Variants in NMT2 observed in about 807,000 individuals in gnomAD.
NMT2 encodes N-myristoyltransferase 2, also known as glycylpeptide N-tetradecanoyltransferase 2.
Under a neutral mutation model 65.4 loss-of-function variants are expected in NMT2, and 35 were observed. The ratio of observed to expected loss-of-function variants is 0.54; its 90% CI spans 0.41 to 0.71. The LOEUF (loss-of-function observed/expected upper bound fraction) is 0.71, where lower values mean the gene tolerates loss of function less well. NMT2 is among the 30% of genes least tolerant of loss of function. The pLI, the probability that NMT2 is intolerant of heterozygous loss-of-function variation, is 0.00. For missense variants in NMT2, 489 were observed against 611.3 expected (o/e 0.80, Z 2.11); for synonymous variants, 226 against 231.8 (o/e 0.98, Z 0.23).
At chr10:15,130,109 G>A in intron 7 of NMT2, 33 bp downstream of exon 7, 1 of 1,410,304 alleles carries the variant, frequency 7.1e-7, no homozygotes, top group Non-Finnish European at 9.3e-7. Flanking sequence ...TTTGATAAAG[G>A]GAGGACCTGA....
In NMT2 at chr10:15,112,199, T is replaced by C. The variant is rs1564557262; in HGVS notation, c.1338+597A>G. ...TTATATATATATATATATATATATATATATATATATATATATATTTTTTTT... is the reference window on the plus strand; with the variant it reads ...TTATATATATATATATATATATATACATATATATATATATATATTTTTTTT... On this transcript the variant is annotated intron_variant, in intron 10 of 11. Transcript: ENST00000378165. 1.9e-4 allele frequency among the ~76,000 whole-genome samples: 3 copies of C among 15,968 alleles called. No individual in the cohort carries two copies. In the East Asian group the frequency reaches 4.3e-3, roughly 23 times the overall value. The allele number at this position is 15,968 out of a possible 152,430, so 10.5% of individuals were successfully genotyped here. A position where few individuals can be genotyped will look rare whatever the true frequency, so the allele number is the denominator to read the frequency against.
intron 1 of NMT2, among the ~76,000 whole-genome samples, chr10:15,165,467 T>C (rs1833347200): frequency 6.6e-6 from 1 of 152,222 alleles, no homozygotes; most frequent in African/African-American, 2.4e-5. Context: ...ATTATACTTG[T>C]CTGAATATAG....
At chr10:15,140,299 T>A (rs76024970) in intron 2 of NMT2, among the ~76,000 whole-genome samples, 5,084 of 152,090 alleles carry the variant, frequency 0.033, 139 homozygotes, top group African/African-American at 0.072. Flanking sequence ...ACTTTTTGTA[T>A]TTTTAGTAGA....
At chr10:15,128,507 A>C in intron 7 of NMT2, 49 bp from the exon 8 acceptor site, 1 of 1,162,328 alleles carries the variant, frequency 8.6e-7, no homozygotes, top group Non-Finnish European at 1.3e-6. Flanking sequence ...TAACTCTACA[A>C]GTTTTCACTC....
At position 15,161,081 on chromosome 10, in the gene NMT2, C is replaced by CAAAAAAAAAAAAAAAA. The variant is rs750859200; in HGVS notation, c.110+7406_110+7421dup. Among the ~76,000 whole-genome samples, 38 of 19,288 alleles carry CAAAAAAAAAAAAAAAA rather than the reference C, an allele frequency of 2.0e-3. 1 individual carries two copies. The highest frequency in any genetic ancestry group is 3.6e-3 in the Admixed American group (3 of 822). 12.7% of individuals were successfully genotyped at this position (19,288 alleles called of 152,430 possible). A position where few individuals can be genotyped will look rare whatever the true frequency, so the allele number is the denominator to read the frequency against. On this transcript the variant is annotated intron_variant, in intron 1 of 11. Coordinates refer to ENST00000378165, the MANE Select transcript of NMT2 (RefSeq NM_004808.3). ...CAGAGCGAGACTCTGCCTCAAAAAT[C>CAAAAAAAAAAAAAAAA]AAAAAAAAAAAAAAAAAAAAAAAAA...
rs988994662 is a variant in NMT2, at chr10:15,106,570, T to C, written c.*2625A>G. 1.2e-6 allele frequency: 1 copy of C among 832,018 alleles called. No homozygotes were observed. The highest frequency in any genetic ancestry group is 1.8e-5 in the African/African-American group (1 of 54,322). The allele number at this position is 832,018 out of a possible 1,614,324, so 51.5% of individuals were successfully genotyped here. A position where few individuals can be genotyped will look rare whatever the true frequency, so the allele number is the denominator to read the frequency against. On this transcript the variant is annotated 3_prime_UTR_variant, in exon 12 of 12. Coordinates refer to ENST00000378165, the MANE Select transcript of NMT2 (RefSeq NM_004808.3). Reference sequence around the variant, plus strand: ...AGAGAGGTCCTATATTATGTACTACTGTGGGGCCCAGTCGCCCTCTGGTGG... The same window carrying C: ...AGAGAGGTCCTATATTATGTACTACCGTGGGGCCCAGTCGCCCTCTGGTGG...
intron 10 of NMT2, chr10:15,111,599 T>C (rs761574051): frequency 1.3e-5 from 2 of 151,714 alleles, no homozygotes; most frequent in African/African-American, 4.8e-5. Flanking sequence ...ATTTTAATGG[T>C]AAAAAATTAA....
chr10:15,118,594 A>G (rs1422179889), intron 9 of NMT2, among the ~76,000 whole-genome samples: 2 of 152,220 alleles, frequency 1.3e-5, no homozygotes, highest in East Asian at 3.9e-4. Flanking sequence ...ACGGTCAAAA[A>G]AAAAAAACAG....
rs1469883232 is a variant in NMT2 at position 15,107,802 on chromosome 10, T to G, written c.*1393A>C. 1.0e-6 allele frequency: 1 copy of G among 985,652 alleles called. No individual in the cohort carries two copies. Among genetic ancestry groups the G allele is most frequent in the African/African-American group, 1.7e-5 (1 of 57,224 alleles). 61.1% of individuals were successfully genotyped at this position (985,652 alleles called of 1,614,324 possible). A position where few individuals can be genotyped will look rare whatever the true frequency, so the allele number is the denominator to read the frequency against. ...TGAGTTGAGGCCAGGCTACGTGGCC[T>G]CGGTTAGCATCTTATTTTTCCCGCA... is the stretch of plus-strand genomic sequence containing the variant. On this transcript the variant is annotated 3_prime_UTR_variant, in exon 12 of 12. Coordinates refer to ENST00000378165, the MANE Select transcript of NMT2 (RefSeq NM_004808.3).
chr10:15,125,416 A>G (rs531113121), intron 8 of NMT2, among the ~76,000 whole-genome samples: 1 of 152,348 alleles, frequency 6.6e-6, no homozygotes, highest in Admixed American at 6.5e-5. Context: ...CAAGTCAAAA[A>G]TAGCTTTAGC....
At chr10:15,168,209 A>C in intron 1 of NMT2, 1 of 281,494 alleles carries the variant, frequency 3.6e-6, no homozygotes, top group Non-Finnish European at 6.6e-6. Context: ...CTCCTGGGCC[A>C]GGCCGCCGGC....
At position 15,106,030 on chromosome 10, in the gene NMT2, T is replaced by C. The variant is rs1326511798; in HGVS notation, c.*3165A>G. 2 of 409,546 alleles carry C rather than the reference T, an allele frequency of 4.9e-6. No individual in the cohort carries two copies. Among genetic ancestry groups the C allele is most frequent in the Non-Finnish European group, 4.8e-6 (1 of 209,364 alleles). The allele number at this position is 409,546 out of a possible 1,614,324, so 25.4% of individuals were successfully genotyped here. ...TTACTTTCGAGATAGAGTCTCACTC[T>C]GTTGCCCAGGCTGGAGTGCAGTGGT... is the stretch of plus-strand genomic sequence containing the variant. On this transcript the variant is annotated 3_prime_UTR_variant, in exon 12 of 12. Coordinates refer to ENST00000378165, the MANE Select transcript of NMT2 (RefSeq NM_004808.3).
chr10:15,141,431 C>T lies in NMT2; in HGVS notation c.237G>A (p.Gln79=). ...AAAACAGAGCTCTCACTTTCGAAGG[C>T]TGCTGAATTTTAATCTCCTGGGAAT... is the stretch of plus-strand genomic sequence containing the variant. ...ASDSQEIKIQ[Q]PSKNPSVPMQ... The change falls in exon 2 of 12, where the codon CAG becomes CAA. Residue 79 remains glutamine, a synonymous_variant. Coordinates refer to ENST00000378165, the MANE Select transcript of NMT2 (RefSeq NM_004808.3). 6.2e-7 allele frequency: 1 copy of T among 1,614,106 alleles called. No individual in the cohort carries two copies. Among genetic ancestry groups the T allele is most frequent in the Non-Finnish European group, 8.5e-7 (1 of 1,180,016 alleles).
chr10:15,127,571 T>TAAAAA (rs1222509538), intron 8 of NMT2, among the ~76,000 whole-genome samples: 1 of 75,810 alleles, frequency 1.3e-5, no homozygotes, highest in African/African-American at 7.2e-5. Flanking sequence ...AAAAAAAAAA[T>TAAAAA]AAATAAATAA....
rs1290884933 is a variant in NMT2 at position 15,107,154 on chromosome 10, A to C, written c.*2041T>G. On this transcript the variant is annotated 3_prime_UTR_variant, in exon 12 of 12. Transcript: ENST00000378165. ...TATGGCTATGTTCCAATAAAACCTT[A>C]TTGAGGGACACCGGAATTTGAATTT... Among the ~76,000 whole-genome samples the C allele has an allele frequency of 1.3e-5, 2 of 150,876 alleles. No individual in the cohort carries two copies. Among genetic ancestry groups the C allele is most frequent in the African/African-American group, 4.9e-5 (2 of 41,110 alleles).
intron 8 of NMT2, among the ~76,000 whole-genome samples, chr10:15,126,837 G>T (rs1214902303): frequency 6.6e-6 from 1 of 152,232 alleles, no homozygotes; most frequent in East Asian, 1.9e-4. Context: ...GTTTTAAGCA[G>T]CTCAGTTTGT....
chr10:15,146,495 G>A (rs867144622), intron 1 of NMT2, among the ~76,000 whole-genome samples: 1 of 152,124 alleles, frequency 6.6e-6, no homozygotes, highest in African/African-American at 2.4e-5. Context: ...TCCAGCCAGC[G>A]GAAGTGATGT....
At chr10:15,161,081 C>CAAAAAAA in intron 1 of NMT2, among the ~76,000 whole-genome samples, 568 of 19,302 alleles carry the variant, frequency 0.029, 16 homozygotes, top group East Asian at 0.043. Flanking sequence ...CCTCAAAAAT[C>CAAAAAAA]AAAAAAAAAA....
chr10:15,162,737 CTTA>C (rs1472342252), intron 1 of NMT2, among the ~76,000 whole-genome samples: 2 of 148,184 alleles, frequency 1.3e-5, no homozygotes, highest in African/African-American at 5.0e-5. Context: ...CCTTATATAC[CTTA>C]TTGTTTGATA....
Sources: gnomAD v4.1 joint callset for allele counts (sites outside exome capture counted in the v4.1 genomes callset) on GRCh38, gnomAD v4.1.1 for gene constraint, MANE v1.5 for transcripts, NCBI Gene and HGNC (gene_info 2026-07-23, HGNC 2026-07-21) for gene names.